CCDC181: variants seen among roughly 807,000 people sequenced by gnomAD.
The protein encoded by CCDC181 is coiled-coil domain containing 181.
CCDC181 carries 35 observed loss-of-function variants against 58.7 expected under a neutral mutation model. The observed-to-expected ratio is 0.60, with a 90% CI of 0.46 to 0.79. The LOEUF is 0.79. Among genes scored for constraint, CCDC181 ranks in the 30% least tolerant of loss-of-function variants. CCDC181 has a pLI of 0.00. For synonymous variants in CCDC181, 183 were observed against 197.5 expected (o/e 0.93, Z 0.62); for missense variants, 517 against 583.9 (o/e 0.89, Z 1.18).
At chr1:169,450,655 A>G (rs1657511907) in intron 2 of CCDC181, among the ~76,000 whole-genome samples, 2 of 152,150 alleles carry the variant, frequency 1.3e-5, no homozygotes, top group South Asian at 2.1e-4. Context: ...GTGTTTATTT[A>G]TATTGGTTAG....
rs1166479934 is a variant in CCDC181, at chr1:169,406,464, G to T, written c.1216-9073C>A. Among the ~76,000 whole-genome samples, 3 of 152,198 alleles carry T rather than the reference G, an allele frequency of 2.0e-5. No individual in the cohort carries two copies. In the East Asian group the frequency reaches 5.8e-4, roughly 29 times the overall value. On this transcript the variant is annotated intron_variant, in intron 4 of 5. Coordinates refer to ENST00000367806, the MANE Select transcript of CCDC181 (RefSeq NM_001300969.2). ...CATATACACCATGGAATACTATGCA[G>T]CCATAAAAAAGGATGAGTTCATATC...
chr1:169,459,079 T>C (rs947523035), intron 2 of CCDC181, among the ~76,000 whole-genome samples: 29 of 152,190 alleles, frequency 1.9e-4, no homozygotes, highest in Admixed American at 1.9e-3. Context: ...AATAATTATT[T>C]ATTATGCTTT....
chr1:169,399,191 C>A (rs1655210516), intron 4 of CCDC181, among the ~76,000 whole-genome samples: 1 of 152,090 alleles, frequency 6.6e-6, no homozygotes, highest in African/African-American at 2.4e-5. Flanking sequence ...AAATATCATT[C>A]TGGCTGCTAT....
intron 4 of CCDC181, among the ~76,000 whole-genome samples, chr1:169,407,012 C>T (rs955006942): frequency 3.6e-5 from 5 of 138,490 alleles, no homozygotes; most frequent in Admixed American, 7.8e-5. Flanking sequence ...TTCTAACATA[C>T]GTAAAATTGG....
intron 5 of CCDC181, chr1:169,396,436 G>A (rs933037277): frequency 6.6e-6 from 1 of 152,130 alleles, no homozygotes; most frequent in African/African-American, 2.4e-5. Flanking sequence ...CACACCTGTG[G>A]TCCCAGCTAC....
chr1:169,399,520 G>A (rs1307765018), intron 4 of CCDC181, among the ~76,000 whole-genome samples: 3 of 152,006 alleles, frequency 2.0e-5, no homozygotes, highest in Non-Finnish European at 1.5e-5. Flanking sequence ...ATATGTCACT[G>A]CATAAGATCA....
At chr1:169,411,645 C>G (rs1283927404) in intron 4 of CCDC181, among the ~76,000 whole-genome samples, 1 of 152,062 alleles carries the variant, frequency 6.6e-6, no homozygotes, top group Non-Finnish European at 1.5e-5. Flanking sequence ...AATAAAATAC[C>G]AGCAAACCAA....
intron 2 of CCDC181, among the ~76,000 whole-genome samples, chr1:169,437,150 A>T (rs1349888465): frequency 6.6e-6 from 1 of 152,108 alleles, no homozygotes; most frequent in Non-Finnish European, 1.5e-5. Context: ...AATCATAGGG[A>T]GTCGAAGGTG....
chr1:169,445,017 C>A (rs756914716), intron 2 of CCDC181, among the ~76,000 whole-genome samples: 1 of 152,190 alleles, frequency 6.6e-6, no homozygotes, highest in Non-Finnish European at 1.5e-5. Context: ...CCCCTTCTCA[C>A]CCTGTGATCT....
rs987170938 is a variant in CCDC181, at chr1:169,413,237, A to G, written c.1215+5776T>C. Among the ~76,000 whole-genome samples, 11 of 152,384 alleles carry G rather than the reference A, an allele frequency of 7.2e-5. 1 individual carries two copies. In the South Asian group the frequency reaches 1.9e-3, roughly 26 times the overall value. The stretch of plus-strand genomic sequence containing the variant: ...TATGAACAGACAATTCTCTAAGAAG[A>G]CATTTATGCAGCCAATAGACATATG... On this transcript the variant is annotated intron_variant, in intron 4 of 5. Transcript: ENST00000367806.
At chr1:169,458,692 T>C (rs914689769) in intron 2 of CCDC181, among the ~76,000 whole-genome samples, 4 of 152,204 alleles carry the variant, frequency 2.6e-5, no homozygotes, top group Non-Finnish European at 5.9e-5. Context: ...ATCTTTTGTA[T>C]CTAAATTTTA....
chr1:169,429,201 G>T (rs1369725381), upstream of CCDC181, among the ~76,000 whole-genome samples: 1 of 152,028 alleles, frequency 6.6e-6, no homozygotes, highest in African/African-American at 2.4e-5. Flanking sequence ...TTATCCACTC[G>T]TTGGTTGATG....
At chr1:169,448,058 A>G (rs984254937) in intron 2 of CCDC181, among the ~76,000 whole-genome samples, 1 of 152,150 alleles carries the variant, frequency 6.6e-6, no homozygotes, top group African/African-American at 2.4e-5. Flanking sequence ...CTAACTGAAA[A>G]CTAACTTCAA....
intron 4 of CCDC181, among the ~76,000 whole-genome samples, chr1:169,414,142 T>C (rs902044882): frequency 1.3e-5 from 2 of 152,068 alleles, no homozygotes; most frequent in Non-Finnish European, 2.9e-5. Context: ...ACATTGAAAG[T>C]AAAATATGAA....
intron 2 of CCDC181, among the ~76,000 whole-genome samples, chr1:169,432,910 C>A (rs1293338652): frequency 6.6e-6 from 1 of 152,038 alleles, no homozygotes; most frequent in African/African-American, 2.4e-5. Flanking sequence ...AGACAGAAAG[C>A]TTTTCATCTA....
In CCDC181 at chr1:169,424,799, G is replaced by C; in HGVS notation, c.117+12C>G. The C allele has an allele frequency of 1.5e-6, 2 of 1,309,842 alleles. No individual in the cohort carries two copies. Among genetic ancestry groups the C allele is most frequent in the Non-Finnish European group, 2.2e-6 (2 of 924,770 alleles). The allele number at this position is 1,309,842 out of a possible 1,614,324, so 81.1% of individuals were successfully genotyped here. ...TAATATAATTATTATGAATGCTGTTGGCAATATATACCTCTATTATGCTGG... is the reference window on the plus strand; with the variant it reads ...TAATATAATTATTATGAATGCTGTTCGCAATATATACCTCTATTATGCTGG... On this transcript the variant is annotated intron_variant, in intron 2 of 5. Coordinates refer to ENST00000367806, the MANE Select transcript of CCDC181 (RefSeq NM_001300969.2).
intron 2 of CCDC181, among the ~76,000 whole-genome samples, chr1:169,438,872 A>T (rs1293098492): frequency 6.6e-6 from 1 of 152,184 alleles, no homozygotes; most frequent in Non-Finnish European, 1.5e-5. Context: ...ATATACAAAA[A>T]CACACAAAGA....
At position 169,445,565 on chromosome 1, in the gene CCDC181, C is replaced by A. The variant is rs193277429; in HGVS notation, c.-24+14232G>T. On this transcript the variant is annotated intron_variant, in intron 2 of 6. Coordinates refer to the CCDC181 transcript ENST00000545005. ...CTAATCTTGTTGAGGAGTTTTGCAT[C>A]AATGTTCATGAGAGATCAGAGTCTG... 8.5e-5 allele frequency among the ~76,000 whole-genome samples: 13 copies of A among 152,202 alleles called. No homozygotes were observed. The East Asian group carries it at 1.5e-3, about 18-fold the overall frequency.
At chr1:169,408,323 G>A (rs1655784562) in intron 4 of CCDC181, among the ~76,000 whole-genome samples, 1 of 152,198 alleles carries the variant, frequency 6.6e-6, no homozygotes, top group Non-Finnish European at 1.5e-5. Flanking sequence ...CCACATCTCG[G>A]CAAAGCCAGA....
Sources: gnomAD v4.1 joint callset for allele counts (sites outside exome capture counted in the v4.1 genomes callset) on GRCh38, gnomAD v4.1.1 for gene constraint, MANE v1.5 for transcripts, NCBI Gene and HGNC (gene_info 2026-07-23, HGNC 2026-07-21) for gene names.